Variants in CTNND2 observed in about 807,000 individuals in gnomAD.
The protein encoded by CTNND2 is catenin delta 2.
A neutral mutation model predicts 144.4 loss-of-function variants in CTNND2; 22 were observed. The ratio of observed to expected loss-of-function variants is 0.15; its 90% CI spans 0.11 to 0.22. The LOEUF is 0.22. Among genes scored for constraint, CTNND2 ranks in the 10% least tolerant of loss-of-function variants. CTNND2 has a pLI of 1.00. For synonymous variants in CTNND2, 751 were observed against 695.6 expected (o/e 1.08, Z -1.25); for missense variants, 1,353 against 1,618.8 (o/e 0.84, Z 2.82).
intron 1 of CTNND2, among the ~76,000 whole-genome samples, chr5:11,839,449 T>C (rs1794341315): frequency 1.3e-5 from 2 of 152,134 alleles, no homozygotes; most frequent in African/African-American, 4.8e-5. Context: ...CAATTTTTTT[T>C]TTAAACTATT....
chr5:11,712,820 C>G (rs1786108653), intron 2 of CTNND2, among the ~76,000 whole-genome samples: 1 of 152,044 alleles, frequency 6.6e-6, no homozygotes, highest in Admixed American at 6.6e-5. Context: ...AAAATAGAAT[C>G]AAATATACTA....
chr5:11,280,037 T>C (rs564600449), intron 9 of CTNND2, among the ~76,000 whole-genome samples: 1 of 152,244 alleles, frequency 6.6e-6, no homozygotes, highest in East Asian at 1.9e-4. Context: ...ACACAAACTA[T>C]ATCATGCCTG....
chr5:11,834,158 A>T (rs1474335647), intron 1 of CTNND2, among the ~76,000 whole-genome samples: 1 of 152,184 alleles, frequency 6.6e-6, no homozygotes, highest in Non-Finnish European at 1.5e-5. Context: ...CACAGCCAAT[A>T]AAAAAGGGCT....
chr5:11,903,122 C>CA lies in CTNND2; in HGVS notation c.37+694_37+695insT, dbSNP rs1373881589. On this transcript the variant is annotated intron_variant, in intron 1 of 21. Coordinates refer to ENST00000304623, the MANE Select transcript of CTNND2 (RefSeq NM_001332.4). The surrounding 1 kb of genome is among the most constrained non-coding windows in gnomAD (Gnocchi z 5.4). ...GCTTTCAGCCATTAATTACGGATCA[C>CA]CCCAATTTTGCATCGCTCATCTCCC... is the stretch of plus-strand genomic sequence containing the variant. The CA allele has an allele frequency of 1.0e-4, 92 of 890,228 alleles. No individual in the cohort carries two copies. In the Middle Eastern group the frequency reaches 3.5e-3, roughly 34 times the overall value. 55.1% of individuals were successfully genotyped at this position (890,228 alleles called of 1,614,324 possible).
intron 2 of CTNND2, among the ~76,000 whole-genome samples, chr5:11,714,681 C>A (rs1382285745): frequency 2.6e-5 from 4 of 151,834 alleles, no homozygotes; most frequent in Admixed American, 6.6e-5. Context: ...CCGAGGCGGG[C>A]GGATCAAGAG....
chr5:11,318,562 G>A (rs1342797268), intron 9 of CTNND2, among the ~76,000 whole-genome samples: 1 of 152,050 alleles, frequency 6.6e-6, no homozygotes, highest in Non-Finnish European at 1.5e-5. Flanking sequence ...TTTTCTCAGT[G>A]AGAAAACAAA....
intron 9 of CTNND2, among the ~76,000 whole-genome samples, chr5:11,306,583 AC>A (rs760964677): frequency 6.6e-6 from 1 of 152,198 alleles, no homozygotes; most frequent in African/African-American, 2.4e-5. Flanking sequence ...TGCCTTGGAA[AC>A]AAAAAGACTT....
chr5:11,448,602 G>T (rs1054404055), intron 3 of CTNND2, among the ~76,000 whole-genome samples: 2 of 152,036 alleles, frequency 1.3e-5, no homozygotes, highest in African/African-American at 4.8e-5. Context: ...TCTCATTTTG[G>T]TTTTCACAGT....
intron 9 of CTNND2, among the ~76,000 whole-genome samples, chr5:11,278,355 T>C (rs750501818): frequency 6.6e-6 from 1 of 152,154 alleles, no homozygotes; most frequent in African/African-American, 2.4e-5. Context: ...ATTCAACAAA[T>C]ATTCATGGAG....
chr5:11,018,665 A>C (rs892287437), intron 17 of CTNND2, among the ~76,000 whole-genome samples: 10 of 151,168 alleles, frequency 6.6e-5, no homozygotes, highest in Admixed American at 2.0e-4. Context: ...CAACCACAAC[A>C]TTCCCTTCAG....
At chr5:11,147,660 G>GA (rs3995574) in intron 12 of CTNND2, among the ~76,000 whole-genome samples, 97 of 139,404 alleles carry the variant, frequency 7.0e-4, no homozygotes, top group South Asian at 1.2e-3. Context: ...TTCAGCAGTT[G>GA]AAAAAAAAAA....
intron 15 of CTNND2, among the ~76,000 whole-genome samples, chr5:11,088,458 C>A (rs1303996300): frequency 6.6e-6 from 1 of 152,192 alleles, no homozygotes; most frequent in African/African-American, 2.4e-5. Context: ...TCAGTTGTTT[C>A]TTGTTCTAAG....
chr5:11,083,060 TC>T (rs1749758968), intron 15 of CTNND2, among the ~76,000 whole-genome samples: 1 of 152,206 alleles, frequency 6.6e-6, no homozygotes, highest in African/African-American at 2.4e-5. Flanking sequence ...TCAGGGTTAA[TC>T]AGTGAACCAC....
At chr5:11,880,512 A>ACTG (rs1199103105) in intron 1 of CTNND2, among the ~76,000 whole-genome samples, 1 of 133,182 alleles carries the variant, frequency 7.5e-6, no homozygotes, top group Non-Finnish European at 1.6e-5. Context: ...TACTACTACT[A>ACTG]CTACCACTAC....
In CTNND2 at chr5:11,592,128, T is replaced by TTTCCTGCC. The variant is rs1221933675; in HGVS notation, c.175-27080_175-27073dup. Among the ~76,000 whole-genome samples the TTTCCTGCC allele has an allele frequency of 9.4e-4, 128 of 135,664 alleles. 1 individual carries two copies. The highest frequency in any genetic ancestry group is 1.5e-3 in the East Asian group (7 of 4,624). 89.0% of individuals were successfully genotyped at this position (135,664 alleles called of 152,430 possible). On this transcript the variant is annotated intron_variant, in intron 2 of 21. Coordinates refer to ENST00000304623, the MANE Select transcript of CTNND2 (RefSeq NM_001332.4). ...CCTATCTACCTTCCTTCCTTCCTTC[T>TTTCCTGCC]TTCCTGCCTTCCTGCCTTCCTGCCT...
intron 10 of CTNND2, among the ~76,000 whole-genome samples, chr5:11,215,302 CTCTAAAAATGTTTT>C (rs1367249084): frequency 1.3e-5 from 2 of 152,088 alleles, no homozygotes; most frequent in Non-Finnish European, 2.9e-5. Context: ...CATCATGCAC[CTCTAAAAATGTTTT>C]TCTTACAGCT....
rs148144248 is a variant in CTNND2, at chr5:11,631,783, C to T, written c.175-66727G>A. Reference sequence around the variant, plus strand: ...AGACTAATGACTCTGATTGGCCTTGCCCCAGCTTGCTCCTCAGGAGAAGAT... The same window carrying T: ...AGACTAATGACTCTGATTGGCCTTGTCCCAGCTTGCTCCTCAGGAGAAGAT... On this transcript the variant is annotated intron_variant, in intron 2 of 21. Transcript: ENST00000304623. Among the ~76,000 whole-genome samples the T allele has an allele frequency of 2.2e-3, 331 of 152,302 alleles. 2 individuals are homozygous for T. Among genetic ancestry groups the T allele is most frequent in the Middle Eastern group, 3.4e-3 (1 of 294 alleles).
chr5:11,194,274 G>A (rs916326452), intron 11 of CTNND2, among the ~76,000 whole-genome samples: 1 of 152,118 alleles, frequency 6.6e-6, no homozygotes, highest in African/African-American at 2.4e-5. Flanking sequence ...GCAGAAATGG[G>A]AAGACAAGCT....
intron 2 of CTNND2, among the ~76,000 whole-genome samples, chr5:11,654,832 G>C (rs542000257): frequency 6.6e-6 from 1 of 150,752 alleles, no homozygotes; most frequent in African/African-American, 2.4e-5. Flanking sequence ...TGATTTTAGA[G>C]GAAAAGCTTT....
Sources: allele counts gnomAD v4.1 joint callset (sites outside exome capture counted in the v4.1 genomes callset), GRCh38; gene constraint gnomAD v4.1.1; non-coding constraint Gnocchi (gnomAD v3.1); transcripts MANE v1.5; gene names NCBI Gene and HGNC (gene_info 2026-07-23, HGNC 2026-07-21).